The following RNF13 variants were observed in gnomAD, a reference collection of about 807,000 sequenced individuals.
The protein encoded by RNF13 is ring finger protein 13, also known as E3 ubiquitin-protein ligase RNF13.
In RNF13, 19 loss-of-function variants were observed where a neutral mutation model predicts 37.7. That is an observed-to-expected ratio of 0.50 (90% CI 0.35 to 0.74). The LOEUF (loss-of-function observed/expected upper bound fraction) is 0.74, where lower values mean the gene tolerates loss of function less well. Ranked by LOEUF, RNF13 falls within the 30% of genes least tolerant of loss-of-function variation. The probability of loss-of-function intolerance (pLI) is 0.01; values close to 1 mark genes in which losing one functional copy is unlikely to be tolerated. For synonymous variants in RNF13, 144 were observed against 157.8 expected (o/e 0.91, Z 0.65); for missense variants, 375 against 453.0 (o/e 0.83, Z 1.56).
At chr3:149,892,111 A>G (rs758263138) in intron 4 of RNF13, among the ~76,000 whole-genome samples, 20 of 152,170 alleles carry the variant, frequency 1.3e-4, no homozygotes, top group South Asian at 8.3e-4. Context: ...ACATGCATCT[A>G]TTTTTTGGAG....
Position 149,899,217 on chromosome 3 carries a change from G to A in RNF13, c.410-2855G>A, listed in dbSNP as rs544057604. Among the ~76,000 whole-genome samples, 6 of 152,280 alleles carry A rather than the reference G, an allele frequency of 3.9e-5. No homozygotes were observed. The South Asian group carries it at 6.2e-4, about 16-fold the overall frequency. On this transcript the variant is annotated intron_variant, in intron 5 of 9. Coordinates refer to ENST00000392894, the MANE Select transcript of RNF13 (RefSeq NM_183381.3). ...TCCTAGCACTTTGGGAGGCCAAGGC[G>A]GGAGGATTGCCTGAGCTTAGGAGTT...
At chr3:149,935,699 G>T (rs565552353) in intron 8 of RNF13, among the ~76,000 whole-genome samples, 1 of 152,090 alleles carries the variant, frequency 6.6e-6, no homozygotes, top group Non-Finnish European at 1.5e-5. Flanking sequence ...TTGACCTCTT[G>T]TTGACACAAT....
At chr3:149,949,441 T>A (rs1410136228) in intron 8 of RNF13, among the ~76,000 whole-genome samples, 1 of 151,358 alleles carries the variant, frequency 6.6e-6, no homozygotes. Flanking sequence ...TTTTTTTTTT[T>A]TTGCTGCTTT....
At chr3:149,896,258 T>C (rs1413183039) in intron 5 of RNF13, among the ~76,000 whole-genome samples, 1 of 152,178 alleles carries the variant, frequency 6.6e-6, no homozygotes, top group Non-Finnish European at 1.5e-5. Context: ...TTCTTTTGAG[T>C]GCATAACCAT....
chr3:149,878,327 AAGAG>A (rs1210054785), intron 4 of RNF13, among the ~76,000 whole-genome samples: 1 of 152,186 alleles, frequency 6.6e-6, no homozygotes, highest in East Asian at 1.9e-4. Context: ...GATCGAAAGA[AAGAG>A]AGAAAGATAG....
At chr3:149,833,878 G>T (rs1721317138) in intron 1 of RNF13, among the ~76,000 whole-genome samples, 1 of 152,060 alleles carries the variant, frequency 6.6e-6, no homozygotes, top group South Asian at 2.1e-4. Flanking sequence ...TTCCACAAAA[G>T]AAAAAATATC....
intron 2 of RNF13, 118 bp downstream of exon 2, chr3:149,846,258 C>T: frequency 1.6e-6 from 1 of 634,220 alleles, no homozygotes; most frequent in Admixed American, 2.9e-5. Context: ...AAAACATACC[C>T]CAACACATAT....
At chr3:149,947,838 GTTTT>G (rs1183804499) in intron 8 of RNF13, among the ~76,000 whole-genome samples, 1 of 151,806 alleles carries the variant, frequency 6.6e-6, no homozygotes, top group Non-Finnish European at 1.5e-5. Context: ...TCTTATGATA[GTTTT>G]TTTTCTTAAA....
intron 8 of RNF13, among the ~76,000 whole-genome samples, chr3:149,959,161 C>A (rs1722146122): frequency 6.6e-6 from 1 of 152,198 alleles, no homozygotes; most frequent in Admixed American, 6.5e-5. Context: ...TGGAAAAAAA[C>A]TCACAAAAGT....
rs963896375 is a variant in RNF13, at chr3:149,959,371, C to G, written c.701-685C>G. Among the ~76,000 whole-genome samples the G allele has an allele frequency of 4.6e-5, 7 of 151,380 alleles. No homozygotes were observed. In the East Asian group the frequency reaches 1.2e-3, roughly 25 times the overall value. On this transcript the variant is annotated intron_variant, in intron 8 of 9. Coordinates refer to ENST00000392894, the MANE Select transcript of RNF13 (RefSeq NM_183381.3). Reference sequence around the variant, plus strand: ...AGTTCCTTTAAAAACTTAAAAAACACTGGAACTCCAAAAAGAGCTATGAAT... The same window carrying G: ...AGTTCCTTTAAAAACTTAAAAAACAGTGGAACTCCAAAAAGAGCTATGAAT...
intron 3 of RNF13, among the ~76,000 whole-genome samples, chr3:149,867,139 C>T (rs2108431097): frequency 6.6e-6 from 1 of 152,160 alleles, no homozygotes; most frequent in South Asian, 2.1e-4. Context: ...TCTCTCTCTC[C>T]CTTTGGATCT....
At chr3:149,827,947 A>ATTT (rs74270319) in intron 1 of RNF13, among the ~76,000 whole-genome samples, 1 of 137,764 alleles carries the variant, frequency 7.3e-6, no homozygotes, top group Non-Finnish European at 1.6e-5. Context: ...CTATCTCTCT[A>ATTT]TTTTTTTTTT....
At chr3:149,945,350 G>A (rs536335679) in intron 8 of RNF13, among the ~76,000 whole-genome samples, 16 of 152,240 alleles carry the variant, frequency 1.1e-4, no homozygotes, top group African/African-American at 2.4e-4. Flanking sequence ...ACTGCAAGGC[G>A]GCAGCAAGGC....
chr3:149,865,423 T>C (rs1724716164), intron 3 of RNF13, among the ~76,000 whole-genome samples: 2 of 151,356 alleles, frequency 1.3e-5, no homozygotes, highest in Non-Finnish European at 1.5e-5. Context: ...ATTTAAGATA[T>C]AACCTCAAAA....
At chr3:149,918,903 A>G (rs1717828221) in intron 7 of RNF13, among the ~76,000 whole-genome samples, 2 of 152,064 alleles carry the variant, frequency 1.3e-5, no homozygotes, top group African/African-American at 4.8e-5. Flanking sequence ...TGTAAATAGC[A>G]TATGATCGGA....
intron 8 of RNF13, among the ~76,000 whole-genome samples, chr3:149,959,153 GAA>G (rs1370373554): frequency 3.3e-5 from 5 of 152,072 alleles, no homozygotes; most frequent in Non-Finnish European, 5.9e-5. Context: ...TCATGTAGTG[GAA>G]AAAAACTCAC....
intron 8 of RNF13, among the ~76,000 whole-genome samples, chr3:149,951,223 G>T (rs1245650699): frequency 6.6e-6 from 1 of 152,126 alleles, no homozygotes; most frequent in African/African-American, 2.4e-5. Context: ...TCTACTCAGG[G>T]TTTCTGCTAA....
chr3:149,915,746 A>G (rs1717440058), intron 7 of RNF13, among the ~76,000 whole-genome samples: 1 of 152,222 alleles, frequency 6.6e-6, no homozygotes, highest in East Asian at 1.9e-4. Flanking sequence ...GCCAGTCACA[A>G]AAGGACAAAT....
In RNF13 at chr3:149,915,697, C is replaced by T. The variant is rs533871965; in HGVS notation, c.606+3614C>T. ...AGGAAGGAAATTCTGACACATGCTACCACATAGATGAAACTTGACTTTATG... is the reference window on the plus strand; with the variant it reads ...AGGAAGGAAATTCTGACACATGCTATCACATAGATGAAACTTGACTTTATG... On this transcript the variant is annotated intron_variant, in intron 7 of 9. Transcript: ENST00000392894. 8.5e-5 allele frequency among the ~76,000 whole-genome samples: 13 copies of T among 152,282 alleles called. No individual in the cohort carries two copies. In the East Asian group the frequency reaches 1.2e-3, roughly 14 times the overall value.
Sources: allele counts gnomAD v4.1 joint callset (sites outside exome capture counted in the v4.1 genomes callset), GRCh38; gene constraint gnomAD v4.1.1; transcripts MANE v1.5; gene names NCBI Gene and HGNC (gene_info 2026-07-23, HGNC 2026-07-21).